Variants in RIMBP2 observed in about 807,000 individuals in gnomAD.
RIMBP2 encodes RIMS binding protein 2, also known as RIMS-binding protein 2.
Under a neutral mutation model 118.6 loss-of-function variants are expected in RIMBP2, and 48 were observed. That is an observed-to-expected ratio of 0.40 (90% CI 0.32 to 0.51). The LOEUF (loss-of-function observed/expected upper bound fraction) is 0.51. Among genes scored for constraint, RIMBP2 ranks in the 20% least tolerant of loss-of-function variants. The pLI is 0.41. For missense variants in RIMBP2, 1,551 were observed against 1,768.3 expected (o/e 0.88, Z 2.20); for synonymous variants, 762 against 742.9 (o/e 1.03, Z -0.42).
At chr12:130,552,109 T>C (rs1267948762) in intron 2 of RIMBP2, among the ~76,000 whole-genome samples, 2 of 152,238 alleles carry the variant, frequency 1.3e-5, no homozygotes, top group Non-Finnish European at 2.9e-5. Context: ...GCTAGTATGA[T>C]GCTAAGGCAT....
intron 2 of RIMBP2, among the ~76,000 whole-genome samples, chr12:130,554,341 G>T (rs1285893506): frequency 6.6e-6 from 1 of 152,176 alleles, no homozygotes; most frequent in Non-Finnish European, 1.5e-5. Flanking sequence ...CACAGGAAGT[G>T]CCCAGGGAGT....
chr12:130,501,835 C>T (rs1378091232), intron 4 of RIMBP2, among the ~76,000 whole-genome samples: 6 of 152,204 alleles, frequency 3.9e-5, no homozygotes, highest in African/African-American at 1.2e-4. Context: ...AGCCAAGAAC[C>T]CTCCCATCCT....
intron 4 of RIMBP2, among the ~76,000 whole-genome samples, chr12:130,480,394 T>G (rs1281133317): frequency 6.6e-6 from 1 of 152,148 alleles, no homozygotes; most frequent in East Asian, 1.9e-4. Context: ...CCCCGATGTC[T>G]GCGGCCCCAC....
intron 2 of RIMBP2, among the ~76,000 whole-genome samples, chr12:130,554,898 GGA>G (rs60625689): frequency 0.017 from 2,579 of 152,044 alleles, 60 homozygotes; most frequent in African/African-American, 0.057. Flanking sequence ...TCCATTTTAT[GGA>G]GAGAAAAGAG....
chr12:130,626,259 T>A (rs1239913080), intron 2 of RIMBP2, among the ~76,000 whole-genome samples: 1 of 152,188 alleles, frequency 6.6e-6, no homozygotes, highest in African/African-American at 2.4e-5. Flanking sequence ...GAGGACTGGG[T>A]GTGGATTTAG....
chr12:130,441,426 A>AATC (rs1566042358), intron 11 of RIMBP2, among the ~76,000 whole-genome samples: 1 of 142,432 alleles, frequency 7.0e-6, no homozygotes, highest in Non-Finnish European at 1.5e-5. Flanking sequence ...TAATAATAAT[A>AATC]ATAATAATAA....
At chr12:130,444,504 T>C (rs531377712) in intron 10 of RIMBP2, among the ~76,000 whole-genome samples, 1 of 152,342 alleles carries the variant, frequency 6.6e-6, no homozygotes, top group Non-Finnish European at 1.5e-5. Flanking sequence ...TCCAGGGCAG[T>C]TGAAACATGT....
intron 2 of RIMBP2, among the ~76,000 whole-genome samples, chr12:130,598,438 C>T (rs886571268): frequency 2.0e-5 from 3 of 152,022 alleles, no homozygotes; most frequent in African/African-American, 7.2e-5. Context: ...GCCAAAAAAA[C>T]AAAATTGGAG....
intron 2 of RIMBP2, among the ~76,000 whole-genome samples, chr12:130,541,829 T>C (rs1277443965): frequency 6.6e-6 from 1 of 152,196 alleles, no homozygotes; most frequent in Non-Finnish European, 1.5e-5. Context: ...ACTCATCTAA[T>C]ATATGTTTGT....
intron 1 of RIMBP2, among the ~76,000 whole-genome samples, chr12:130,636,134 C>T (rs549620642): frequency 5.9e-5 from 9 of 152,310 alleles, no homozygotes; most frequent in African/African-American, 1.9e-4. Context: ...CCTCTCTCGG[C>T]CAGACCTCAC....
chr12:130,619,557 A>T (rs1004303911), intron 2 of RIMBP2, among the ~76,000 whole-genome samples: 7 of 152,208 alleles, frequency 4.6e-5, no homozygotes, highest in African/African-American at 1.7e-4. Flanking sequence ...GTTCTGTATT[A>T]AGGGGTCTGG....
intron 2 of RIMBP2, among the ~76,000 whole-genome samples, chr12:130,615,056 T>C (rs756002317): frequency 1.2e-4 from 18 of 148,588 alleles, no homozygotes; most frequent in Non-Finnish European, 2.4e-4. Context: ...TAAATACACA[T>C]GTATATTTCA....
chr12:130,529,226 C>G (rs900432861), intron 2 of RIMBP2, among the ~76,000 whole-genome samples: 48 of 152,176 alleles, frequency 3.2e-4, no homozygotes, highest in African/African-American at 1.2e-3. Context: ...CATGCTGATT[C>G]ATGCCACAAC....
intron 2 of RIMBP2, among the ~76,000 whole-genome samples, chr12:130,598,726 T>TAA (rs137872494): frequency 4.3e-5 from 6 of 140,526 alleles, no homozygotes; most frequent in Non-Finnish European, 4.7e-5. Context: ...AGACTCCATT[T>TAA]AAAAAAAAAA....
intron 1 of RIMBP2, among the ~76,000 whole-genome samples, chr12:130,673,735 G>C (rs540753422): frequency 5.3e-5 from 8 of 152,300 alleles, no homozygotes; most frequent in Admixed American, 5.2e-4. Context: ...GGTGGGAGGT[G>C]CCTGGATCAT....
At chr12:130,441,234 C>G (rs1361098870) in intron 11 of RIMBP2, among the ~76,000 whole-genome samples, 1 of 151,906 alleles carries the variant, frequency 6.6e-6, no homozygotes, top group Non-Finnish European at 1.5e-5. Flanking sequence ...AACCCTGTCT[C>G]TACTAAAAAT....
intron 17 of RIMBP2, among the ~76,000 whole-genome samples, chr12:130,415,367 A>C (rs75311715): frequency 6.6e-6 from 1 of 152,222 alleles, no homozygotes; most frequent in African/African-American, 2.4e-5. Flanking sequence ...TGATTAAAAA[A>C]ACCCTCAACA....
intron 2 of RIMBP2, among the ~76,000 whole-genome samples, chr12:130,528,738 C>T (rs961299297): frequency 1.3e-5 from 2 of 152,172 alleles, no homozygotes; most frequent in Non-Finnish European, 2.9e-5. Flanking sequence ...ATAATCAGAA[C>T]ACAGGCAGCC....
At chr12:130,607,986 G>C (rs116322493) in intron 2 of RIMBP2, among the ~76,000 whole-genome samples, 1 of 152,144 alleles carries the variant, frequency 6.6e-6, no homozygotes, top group African/African-American at 2.4e-5. Flanking sequence ...CCTGCCAGAA[G>C]TTCCTGTCCC....
Sources: allele counts gnomAD v4.1 joint callset (sites outside exome capture counted in the v4.1 genomes callset), GRCh38; gene constraint gnomAD v4.1.1; transcripts MANE v1.5; gene names NCBI Gene and HGNC (gene_info 2026-07-23, HGNC 2026-07-21).